Variants in CCDC30 observed in about 807,000 individuals in gnomAD.
CCDC30 encodes coiled-coil domain-containing protein 30.
CCDC30 carries 70 observed loss-of-function variants against 100.2 expected under a neutral mutation model. The observed-to-expected ratio is 0.70, with a 90% confidence interval of 0.58 to 0.85. The LOEUF (loss-of-function observed/expected upper bound fraction) is 0.85. Ranked by LOEUF, CCDC30 falls within the 40% of genes least tolerant of loss-of-function variation. The probability of loss-of-function intolerance (pLI) is 0.00; values close to 1 mark genes in which losing one functional copy is unlikely to be tolerated. For missense variants in CCDC30, 652 were observed against 771.2 expected, an observed-to-expected ratio of 0.85 and a Z score of 1.83; for synonymous variants, 233 against 269.5, an observed-to-expected ratio of 0.86 and a Z score of 1.33.
intron 11 of CCDC30, among the ~76,000 whole-genome samples, chr1:42,624,389 G>T (rs1646894946): frequency 4.6e-5 from 7 of 152,116 alleles, no homozygotes; most frequent in Admixed American, 4.6e-4. Context: ...TGATTGATTT[G>T]TGTATGTTGA....
intron 9 of CCDC30, among the ~76,000 whole-genome samples, chr1:42,586,173 G>A (rs890760483): frequency 2.0e-5 from 3 of 152,192 alleles, no homozygotes; most frequent in African/African-American, 7.2e-5. Flanking sequence ...ATAGACAATA[G>A]TATGGAGGAC....
At chr1:42,581,126 C>T (rs1645956994) in intron 8 of CCDC30, 1 of 410,960 alleles carries the variant, frequency 2.4e-6, no homozygotes, top group Non-Finnish European at 4.5e-6. Context: ...CAGGCGTGAG[C>T]CAGCATGTCT....
intron 6 of CCDC30, chr1:42,500,104 T>C: frequency 9.0e-7 from 1 of 1,117,222 alleles, no homozygotes; most frequent in Non-Finnish European, 1.4e-6. Flanking sequence ...TTAAACTTGA[T>C]CCAACCTCTT....
chr1:42,533,659 C>T (rs780156581), intron 6 of CCDC30, among the ~76,000 whole-genome samples: 2 of 152,238 alleles, frequency 1.3e-5, no homozygotes, highest in African/African-American at 2.4e-5. Context: ...ACCGCTTCCA[C>T]CTACAGGTGA....
At position 42,551,722 on chromosome 1, in the gene CCDC30, C is replaced by G. The variant is rs1027815925; in HGVS notation, c.457-14574C>G. Among the ~76,000 whole-genome samples, 4 of 149,442 alleles carry G rather than the reference C, an allele frequency of 2.7e-5. No homozygotes were observed. The Admixed American group carries it at 2.7e-4, about 10-fold the overall frequency. On this transcript the variant is annotated intron_variant, in intron 6 of 16. Coordinates refer to ENST00000668663, the Ensembl canonical transcript of CCDC30. ...TAAGTATACACATTTTCTCTTATACCTTTTGAAAGGATAAATTCTGGTGTG... is the reference window on the plus strand; with the variant it reads ...TAAGTATACACATTTTCTCTTATACGTTTTGAAAGGATAAATTCTGGTGTG...
intron 15 of CCDC30, among the ~76,000 whole-genome samples, chr1:42,648,036 G>A (rs190008242): frequency 2.0e-4 from 31 of 152,230 alleles, no homozygotes; most frequent in African/African-American, 7.2e-4. Context: ...TGCTTCCCGG[G>A]TTCAAGCGAT....
At chr1:42,524,214 G>A (rs549142052) in intron 6 of CCDC30, among the ~76,000 whole-genome samples, 9 of 151,032 alleles carry the variant, frequency 6.0e-5, no homozygotes, top group South Asian at 2.1e-4. Flanking sequence ...AATCAGATTC[G>A]CCACCCTCCC....
chr1:42,471,670 C>T (rs1643774394), intron 1 of CCDC30, among the ~76,000 whole-genome samples: 1 of 151,826 alleles, frequency 6.6e-6, no homozygotes, highest in Non-Finnish European at 1.5e-5. Context: ...TGAGTGGGGA[C>T]CAGGTGAAGG....
intron 6 of CCDC30, among the ~76,000 whole-genome samples, chr1:42,507,377 C>T (rs1229966146): frequency 1.3e-5 from 2 of 152,100 alleles, no homozygotes; most frequent in Non-Finnish European, 2.9e-5. Flanking sequence ...TTTCAATGCT[C>T]AATTTATGAA....
chr1:42,634,620 G>C (rs1570312962), intron 11 of CCDC30, among the ~76,000 whole-genome samples: 5 of 152,032 alleles, frequency 3.3e-5, no homozygotes, highest in Admixed American at 3.3e-4. Flanking sequence ...CTATTTTCTT[G>C]TTTACTCTGA....
At chr1:42,616,665 C>T (rs985087314) in intron 11 of CCDC30, among the ~76,000 whole-genome samples, 2 of 152,170 alleles carry the variant, frequency 1.3e-5, no homozygotes, top group African/African-American at 4.8e-5. Context: ...ATTGTGTCAC[C>T]TCATAACATT....
At chr1:42,518,855 T>C (rs1334639888) in intron 6 of CCDC30, among the ~76,000 whole-genome samples, 1 of 152,246 alleles carries the variant, frequency 6.6e-6, no homozygotes, top group Non-Finnish European at 1.5e-5. Flanking sequence ...GCAGGCATCC[T>C]TGTCTGATCT....
Position 42,566,485 on chromosome 1 carries a change from G to T in CCDC30, c.636+10G>T. ...GGAAGAAAACATTAAGGTAACTCTT[G>T]TGGGCAAATGCTTTATGGAAGGGTT... On this transcript the variant is annotated intron_variant, in intron 7 of 16. Coordinates refer to ENST00000668663, the Ensembl canonical transcript of CCDC30. 1 of 1,608,504 alleles carries T rather than the reference G, an allele frequency of 6.2e-7. No homozygotes were observed. The highest frequency in any genetic ancestry group is 8.5e-7 in the Non-Finnish European group (1 of 1,176,142).
At chr1:42,577,026 A>T in exon 8 of CCDC30, 1 of 1,609,584 alleles carries the variant, frequency 6.2e-7, no homozygotes, top group East Asian at 2.2e-5. Flanking sequence ...CTAGATAAAG[A>T]TTGAACTAAA....
chr1:42,600,054 G>T (rs1182479820), intron 10 of CCDC30, among the ~76,000 whole-genome samples: 2 of 152,074 alleles, frequency 1.3e-5, no homozygotes, highest in Non-Finnish European at 2.9e-5. Flanking sequence ...AGCACTAGGG[G>T]CATGGAGCTA....
chr1:42,511,074 A>T (rs1336901079), intron 6 of CCDC30, among the ~76,000 whole-genome samples: 2 of 152,054 alleles, frequency 1.3e-5, no homozygotes, highest in East Asian at 1.9e-4. Context: ...CTTTAATCCT[A>T]TTCCTTTCAG....
chr1:42,522,528 GTTAATGTGAAAGTTACAT>G (rs1157777836), intron 6 of CCDC30, among the ~76,000 whole-genome samples: 2 of 151,858 alleles, frequency 1.3e-5, no homozygotes, highest in Non-Finnish European at 2.9e-5. Context: ...TTTACTTAAG[GTTAATGTGAAAGTTACAT>G]TTAACATCTT....
chr1:42,627,225 T>C (rs1356037160), intron 11 of CCDC30, among the ~76,000 whole-genome samples: 1 of 152,162 alleles, frequency 6.6e-6, no homozygotes, highest in Non-Finnish European at 1.5e-5. Flanking sequence ...CTAGTGCCAT[T>C]TTGCCCCTGC....
At position 42,642,469 on chromosome 1, in the gene CCDC30, C is replaced by T; in HGVS notation, c.1420-4C>T. The stretch of plus-strand genomic sequence containing the variant: ...TGGTAATTAGGAGACTTTCTAATCC[C>T]TAGGAGAAGGCAATACAGGACCAGA... On this transcript the variant is annotated splice_region_variant and splice_polypyrimidine_tract_variant and intron_variant, in intron 12 of 16. Transcript: ENST00000668663. 1 of 1,547,746 alleles carries T rather than the reference C, an allele frequency of 6.5e-7. No homozygotes were observed. Among genetic ancestry groups the T allele is most frequent in the Non-Finnish European group, 8.7e-7 (1 of 1,148,446 alleles).
Sources: allele counts gnomAD v4.1 joint callset (sites outside exome capture counted in the v4.1 genomes callset), GRCh38; gene constraint gnomAD v4.1.1; transcripts MANE v1.5; gene names NCBI Gene and HGNC (gene_info 2026-07-23, HGNC 2026-07-21).